SHANK2: variants seen among roughly 807,000 people sequenced by gnomAD.
SHANK2 encodes SH3 and multiple ankyrin repeat domains 2.
SHANK2 carries 43 observed loss-of-function variants against 133.7 expected under a neutral mutation model. That is an observed-to-expected ratio of 0.32 (90% CI 0.25 to 0.41). SHANK2 has a LOEUF of 0.41. Ranked by LOEUF, SHANK2 falls within the 10% of genes least tolerant of loss-of-function variation. SHANK2 has a pLI of 1.00. For synonymous variants in SHANK2, 1,017 were observed against 952.8 expected, an observed-to-expected ratio of 1.07 and a Z score of -1.24; for missense variants, 1,994 against 2,235.8, an observed-to-expected ratio of 0.89 and a Z score of 2.18.
chr11:70,645,042 T>C (rs1210986167), intron 17 of SHANK2, among the ~76,000 whole-genome samples: 2 of 151,966 alleles, frequency 1.3e-5, no homozygotes, highest in Non-Finnish European at 2.9e-5. Flanking sequence ...GCCAACATGG[T>C]GAAACCCAGT....
chr11:71,248,995 A>G (rs1041306276), intron 1 of SHANK2, among the ~76,000 whole-genome samples: 1 of 152,164 alleles, frequency 6.6e-6, no homozygotes, highest in Admixed American at 6.5e-5. Context: ...GCAGGCCCTC[A>G]GATGATTATT....
intron 2 of SHANK2, among the ~76,000 whole-genome samples, chr11:71,214,598 G>A (rs1451197534): frequency 6.6e-6 from 1 of 152,216 alleles, no homozygotes; most frequent in Non-Finnish European, 1.5e-5. Context: ...GATGGGTCTG[G>A]CTCAGGGTCC....
chr11:70,769,154 T>C (rs1441935662), intron 14 of SHANK2, among the ~76,000 whole-genome samples: 2 of 151,812 alleles, frequency 1.3e-5, no homozygotes, highest in Admixed American at 1.3e-4. Flanking sequence ...AATGGGTGGG[T>C]GGGTGGTTGA....
intron 17 of SHANK2, among the ~76,000 whole-genome samples, chr11:70,526,947 C>T (rs1392611774): frequency 1.0e-5 from 1 of 98,714 alleles, no homozygotes; most frequent in Non-Finnish European, 2.2e-5. Context: ...CTGTCCTCGT[C>T]TCAGAGGTAT....
chr11:71,243,634 G>T (rs1555124672), intron 1 of SHANK2, among the ~76,000 whole-genome samples: 2 of 152,184 alleles, frequency 1.3e-5, no homozygotes, highest in Non-Finnish European at 2.9e-5. Context: ...GGCGGAGCTT[G>T]CAGTGAGCTG....
At chr11:70,698,374 C>T (rs782210885) in intron 15 of SHANK2, 102 of 440,008 alleles carry the variant, frequency 2.3e-4, no homozygotes, top group Non-Finnish European at 4.0e-4. Context: ...CCAATACTGC[C>T]TCAAGGCTCC....
chr11:70,496,666 C>T (rs932332861), intron 21 of SHANK2, among the ~76,000 whole-genome samples: 13 of 152,206 alleles, frequency 8.5e-5, no homozygotes, highest in Non-Finnish European at 1.5e-4. Context: ...GTCTGAGATG[C>T]GTAAGGCCAT....
chr11:70,878,652 G>T (rs905406433), intron 11 of SHANK2, among the ~76,000 whole-genome samples: 12 of 152,152 alleles, frequency 7.9e-5, no homozygotes, highest in Admixed American at 7.9e-4. Flanking sequence ...ACTGGAATGG[G>T]ATCTGTTCTT....
intron 21 of SHANK2, among the ~76,000 whole-genome samples, chr11:70,499,945 G>A (rs1555158011): frequency 1.3e-5 from 2 of 152,168 alleles, no homozygotes; most frequent in Non-Finnish European, 2.9e-5. Context: ...ATTGTTGGGG[G>A]AGCTGTGTCC....
intron 15 of SHANK2, among the ~76,000 whole-genome samples, chr11:70,670,425 G>A (rs1278202179): frequency 4.6e-5 from 7 of 152,234 alleles, no homozygotes; most frequent in Non-Finnish European, 1.0e-4. Context: ...TCCCAGCTCA[G>A]CGGAGATGCC....
At chr11:70,544,242 C>T (rs554657055) in intron 17 of SHANK2, among the ~76,000 whole-genome samples, 7 of 152,316 alleles carry the variant, frequency 4.6e-5, no homozygotes, top group East Asian at 3.9e-4. Flanking sequence ...TCTCCAGCCC[C>T]GGCCTGCCCA....
chr11:70,826,691 C>T, intron 11 of SHANK2: 1 of 362,924 alleles, frequency 2.8e-6, no homozygotes, highest in Non-Finnish European at 5.6e-6. Context: ...GTGACAAAGC[C>T]CACCCCATAT....
intron 15 of SHANK2, among the ~76,000 whole-genome samples, chr11:70,664,571 G>A (rs1441903152): frequency 6.6e-6 from 1 of 152,214 alleles, no homozygotes; most frequent in African/African-American, 2.4e-5. Context: ...TCTCCACCCA[G>A]CTCCAAGGGG....
intron 14 of SHANK2, among the ~76,000 whole-genome samples, chr11:70,744,488 G>A (rs2134836350): frequency 6.6e-6 from 1 of 152,194 alleles, no homozygotes; most frequent in Non-Finnish European, 1.5e-5. Context: ...ATCTGCCTAC[G>A]GGAGGAATGA....
At chr11:70,920,031 C>T (rs1950328333) in intron 10 of SHANK2, among the ~76,000 whole-genome samples, 1 of 152,178 alleles carries the variant, frequency 6.6e-6, no homozygotes, top group East Asian at 1.9e-4. Context: ...CCAGCTGTAG[C>T]ACTCTGGCCA....
At chr11:71,120,584 C>A (rs1278652967) in intron 3 of SHANK2, among the ~76,000 whole-genome samples, 1 of 152,214 alleles carries the variant, frequency 6.6e-6, no homozygotes, top group South Asian at 2.1e-4. Context: ...GCTCCTGTTT[C>A]TCCCTTCCAA....
intron 6 of SHANK2, among the ~76,000 whole-genome samples, chr11:71,100,761 G>A (rs1243122126): frequency 2.6e-5 from 4 of 151,990 alleles, no homozygotes; most frequent in Non-Finnish European, 5.9e-5. Flanking sequence ...CAGCTACTCA[G>A]GAGGCTGAGG....
chr11:70,943,135 G>T, intron 10 of SHANK2: 1 of 455,348 alleles, frequency 2.2e-6, no homozygotes, highest in South Asian at 1.6e-5. Context: ...GATGGAGCAA[G>T]CAGTCTCACC....
intron 14 of SHANK2, among the ~76,000 whole-genome samples, chr11:70,784,559 A>T (rs1276860665): frequency 6.6e-6 from 1 of 151,726 alleles, no homozygotes; most frequent in African/African-American, 2.4e-5. Flanking sequence ...TGCCCACCTC[A>T]GCCTCCCAAA....
Sources: allele counts gnomAD v4.1 joint callset (sites outside exome capture counted in the v4.1 genomes callset), GRCh38; gene constraint gnomAD v4.1.1; transcripts MANE v1.5; gene names NCBI Gene and HGNC (gene_info 2026-07-23, HGNC 2026-07-21).